Variants in KCND3 observed in about 807,000 individuals in gnomAD.
KCND3 encodes the protein A-type voltage-gated potassium channel KCND3.
A neutral mutation model predicts 51.1 loss-of-function variants in KCND3; 9 were observed. The observed-to-expected ratio is 0.18, with a 90% CI of 0.11 to 0.31. KCND3 has a LOEUF of 0.31. Among genes scored for constraint, KCND3 ranks in the 10% least tolerant of loss-of-function variants. The pLI, the probability that KCND3 is intolerant of heterozygous loss-of-function variation, is 1.00. For synonymous variants in KCND3, 349 were observed against 368.0 expected (o/e 0.95, Z 0.59); for missense variants, 526 against 903.8 (o/e 0.58, Z 5.36).
At chr1:111,983,140 G>A (rs1262924776) in intron 1 of KCND3, among the ~76,000 whole-genome samples, 1 of 152,178 alleles carries the variant, frequency 6.6e-6, no homozygotes, top group African/African-American at 2.4e-5. Flanking sequence ...GAAAGGTTAT[G>A]GCGTTATTAC....
chr1:111,964,321 GAAGCCCGGGATGCTA>G (rs1181461000), intron 2 of KCND3, among the ~76,000 whole-genome samples: 1 of 152,220 alleles, frequency 6.6e-6, no homozygotes, highest in Non-Finnish European at 1.5e-5. Context: ...TGGGCAGGCT[GAAGCCCGGGATGCTA>G]AAGTACAGCC....
At chr1:111,921,795 T>A (rs1348727260) in intron 2 of KCND3, among the ~76,000 whole-genome samples, 3 of 152,178 alleles carry the variant, frequency 2.0e-5, no homozygotes, top group Non-Finnish European at 4.4e-5. Flanking sequence ...ATTTTCATGG[T>A]TAATTTTTTT....
intron 2 of KCND3, among the ~76,000 whole-genome samples, chr1:111,952,136 G>A (rs192549575): frequency 8.3e-4 from 127 of 152,332 alleles, no homozygotes; most frequent in African/African-American, 2.8e-3. Context: ...CACAGTTACT[G>A]TCAAAAGTCT....
At chr1:111,959,460 C>G (rs1401396309) in intron 2 of KCND3, among the ~76,000 whole-genome samples, 1 of 152,166 alleles carries the variant, frequency 6.6e-6, no homozygotes, top group Non-Finnish European at 1.5e-5. Flanking sequence ...TCGCCCCATC[C>G]ACCACTTCCT....
At chr1:111,860,544 C>A (rs967386173) in intron 2 of KCND3, among the ~76,000 whole-genome samples, 1 of 152,184 alleles carries the variant, frequency 6.6e-6, no homozygotes, top group African/African-American at 2.4e-5. Context: ...CCCACCCCCC[C>A]AACTTGGGAT....
At chr1:111,889,412 T>C (rs2101757905) in intron 2 of KCND3, among the ~76,000 whole-genome samples, 1 of 152,334 alleles carries the variant, frequency 6.6e-6, no homozygotes, top group Non-Finnish European at 1.5e-5. Context: ...CCTAGATGCT[T>C]AGAATATCAC....
At position 111,823,131 on chromosome 1, in the gene KCND3, G is replaced by A. The variant is rs1390198217; in HGVS notation, c.1107-36025C>T. On this transcript the variant is annotated intron_variant, in intron 2 of 7. Coordinates refer to ENST00000302127, the MANE Select transcript of KCND3 (RefSeq NM_001378969.1). ...TACTTCTTCCCCATTACTGCTGAGG[G>A]GCCTGCTGGGAAGATGGTGAGATTC... is the stretch of plus-strand genomic sequence containing the variant. Among the ~76,000 whole-genome samples the A allele has an allele frequency of 2.0e-5, 3 of 152,148 alleles. No individual in the cohort carries two copies. The East Asian group carries it at 5.8e-4, about 29-fold the overall frequency.
At chr1:111,819,823 T>C (rs1014247975) in intron 2 of KCND3, among the ~76,000 whole-genome samples, 11 of 152,144 alleles carry the variant, frequency 7.2e-5, no homozygotes, top group African/African-American at 2.7e-4. Flanking sequence ...ACGGAGGGTA[T>C]ATGACTTGTC....
At chr1:111,811,095 T>C (rs1002416914) in intron 2 of KCND3, among the ~76,000 whole-genome samples, 16 of 152,332 alleles carry the variant, frequency 1.1e-4, no homozygotes, top group Admixed American at 4.6e-4. Flanking sequence ...ATAAAACTGA[T>C]GATCAGGGGA....
At chr1:111,797,172 A>G (rs1665091214) in intron 2 of KCND3, among the ~76,000 whole-genome samples, 1 of 152,224 alleles carries the variant, frequency 6.6e-6, no homozygotes, top group African/African-American at 2.4e-5. Flanking sequence ...CTAAGTTCCT[A>G]GGCATCACTG....
chr1:111,869,545 AG>A, intron 2 of KCND3, among the ~76,000 whole-genome samples: 1 of 152,308 alleles, frequency 6.6e-6, no homozygotes, highest in East Asian at 1.9e-4. Context: ...GGGTATTCAA[AG>A]CTCCAAGCCA....
intron 2 of KCND3, among the ~76,000 whole-genome samples, chr1:111,819,750 T>A (rs1024131498): frequency 2.0e-5 from 3 of 152,012 alleles, no homozygotes; most frequent in African/African-American, 7.2e-5. Flanking sequence ...CATACGAGGG[T>A]CTTGAAGGTC....
chr1:111,781,376 C>T (rs908168840), intron 3 of KCND3, among the ~76,000 whole-genome samples: 1 of 152,104 alleles, frequency 6.6e-6, no homozygotes, highest in African/African-American at 2.4e-5. Context: ...CTTTCTCTTC[C>T]ACTAAAATGT....
intron 2 of KCND3, among the ~76,000 whole-genome samples, chr1:111,926,823 G>A (rs758630629): frequency 2.6e-5 from 4 of 152,278 alleles, no homozygotes; most frequent in Non-Finnish European, 5.9e-5. Flanking sequence ...CGTCAGCCTG[G>A]TCAAGAACAG....
At chr1:111,861,175 C>T (rs1186697439) in intron 2 of KCND3, among the ~76,000 whole-genome samples, 1 of 151,854 alleles carries the variant, frequency 6.6e-6, no homozygotes, top group East Asian at 1.9e-4. Context: ...GGGGGCGGGG[C>T]GTGGGGAAAG....
At chr1:111,943,899 C>T (rs1054614092) in intron 2 of KCND3, among the ~76,000 whole-genome samples, 17 of 152,186 alleles carry the variant, frequency 1.1e-4, no homozygotes, top group African/African-American at 3.1e-4. Context: ...CTTCAAGTTT[C>T]GTTTTCTTTC....
Position 111,937,429 on chromosome 1 carries a change from C to A in KCND3, c.1106+44192G>T, listed in dbSNP as rs553234574. ...CAGCCATGCCCCGAGTCATCAGACT[C>A]CCTGGGGGAAGGTGGGTGGAGGCCT... On this transcript the variant is annotated intron_variant, in intron 2 of 7. Transcript: ENST00000302127. Among the ~76,000 whole-genome samples, 62 of 152,268 alleles carry A rather than the reference C, an allele frequency of 4.1e-4. 1 individual carries two copies. The highest frequency in any genetic ancestry group is 9.6e-4 in the African/African-American group (40 of 41,556).
chr1:111,875,679 CTCT>C (rs1669017405), intron 2 of KCND3, among the ~76,000 whole-genome samples: 1 of 152,210 alleles, frequency 6.6e-6, no homozygotes, highest in African/African-American at 2.4e-5. Context: ...TGTGTTGCCT[CTCT>C]TAGCTTCTCC....
At chr1:111,843,545 T>A (rs1266196527) in intron 2 of KCND3, among the ~76,000 whole-genome samples, 1 of 152,102 alleles carries the variant, frequency 6.6e-6, no homozygotes, top group South Asian at 2.1e-4. Context: ...GTGAGTGGGG[T>A]GTCCACTCTT....
Sources: allele counts gnomAD v4.1 joint callset (sites outside exome capture counted in the v4.1 genomes callset), GRCh38; gene constraint gnomAD v4.1.1; transcripts MANE v1.5; gene names NCBI Gene and HGNC (gene_info 2026-07-23, HGNC 2026-07-21).